The following TACC1 variants were observed in gnomAD, a reference collection of about 807,000 sequenced individuals.
The protein encoded by TACC1 is transforming acidic coiled-coil-containing protein 1.
TACC1 carries 48 observed loss-of-function variants against 84.4 expected under a neutral mutation model. The observed-to-expected ratio is 0.57, with a 90% CI of 0.45 to 0.72. TACC1 has a LOEUF of 0.72. TACC1 is among the 30% of genes least tolerant of loss of function. The pLI is 0.00. For synonymous variants in TACC1, 372 were observed against 376.3 expected (o/e 0.99, Z 0.13); for missense variants, 920 against 973.0 (o/e 0.95, Z 0.72).
Position 38,844,604 on chromosome 8 carries a change from C to CT in TACC1, c.2228+1210dup, listed in dbSNP as rs549524475. ...ATTACTCTATTCTTTGCCCATTTTCCTATTGTCATTTTATAGATTTTATAT... is the reference window on the plus strand; with the variant it reads ...ATTACTCTATTCTTTGCCCATTTTCCTTATTGTCATTTTATAGATTTTATAT... On this transcript the variant is annotated intron_variant, in intron 11 of 12. Transcript: ENST00000317827. Among the ~76,000 whole-genome samples, 248 of 152,208 alleles carry CT rather than the reference C, an allele frequency of 1.6e-3. 1 individual carries two copies. Among genetic ancestry groups the CT allele is most frequent in the African/African-American group, 5.8e-3 (243 of 41,540 alleles).
At chr8:38,839,179 G>A (rs938915828) in intron 8 of TACC1, 1 of 349,464 alleles carries the variant, frequency 2.9e-6, no homozygotes, top group Non-Finnish European at 5.2e-6. Context: ...ATGAGCCACA[G>A]CGCCTGGTCC....
chr8:38,809,165 G>C (rs962463696), intron 2 of TACC1, among the ~76,000 whole-genome samples: 3 of 152,056 alleles, frequency 2.0e-5, no homozygotes, highest in African/African-American at 7.2e-5. Flanking sequence ...CAATGTAGCA[G>C]ATAAGGCTCC....
chr8:38,836,992 C>T (rs1198083498), intron 7 of TACC1, among the ~76,000 whole-genome samples: 2 of 151,584 alleles, frequency 1.3e-5, no homozygotes, highest in Admixed American at 1.3e-4. Flanking sequence ...GGTTAAGCAC[C>T]TCAGCTGTAG....
intron 1 of TACC1, among the ~76,000 whole-genome samples, chr8:38,739,556 A>G (rs1806674844): frequency 6.6e-6 from 1 of 152,242 alleles, no homozygotes; most frequent in African/African-American, 2.4e-5. Context: ...TGTTTTACAC[A>G]TTTGTAATAC....
At chr8:38,805,947 T>C (rs73677607) in intron 2 of TACC1, among the ~76,000 whole-genome samples, 1,863 of 152,328 alleles carry the variant, frequency 0.012, 39 homozygotes, top group African/African-American at 0.043. Flanking sequence ...AGATGCACAC[T>C]TGGGGCTTGG....
At chr8:38,795,870 G>T (rs1356544839) in intron 2 of TACC1, among the ~76,000 whole-genome samples, 1 of 152,194 alleles carries the variant, frequency 6.6e-6, no homozygotes, top group African/African-American at 2.4e-5. Context: ...GGTTTAGATT[G>T]ATGATGGCCA....
chr8:38,736,635 A>G (rs1428803619), intron 1 of TACC1, among the ~76,000 whole-genome samples: 1 of 152,070 alleles, frequency 6.6e-6, no homozygotes, highest in Non-Finnish European at 1.5e-5. Context: ...AGAATAAGAT[A>G]ATGATAACCT....
chr8:38,782,432 T>C (rs909010372), upstream of TACC1, among the ~76,000 whole-genome samples: 1 of 152,220 alleles, frequency 6.6e-6, no homozygotes, highest in Non-Finnish European at 1.5e-5. Flanking sequence ...GTTGGACATT[T>C]GGGTTGGTTC....
chr8:38,733,721 C>A (rs1238484027), intron 1 of TACC1, among the ~76,000 whole-genome samples: 1 of 152,058 alleles, frequency 6.6e-6, no homozygotes, highest in Admixed American at 6.6e-5. Flanking sequence ...TCTTGGTGGC[C>A]CCTCTCCCAC....
intron 3 of TACC1, among the ~76,000 whole-genome samples, chr8:38,761,567 C>T (rs1385774550): frequency 6.6e-6 from 1 of 152,146 alleles, no homozygotes; most frequent in Non-Finnish European, 1.5e-5. Context: ...GACACATGTC[C>T]CTGACACCAA....
rs531332223 is a variant in TACC1 at position 38,812,299 on chromosome 8, G to GTACA, written c.278-7222_278-7219dup. On this transcript the variant is annotated intron_variant, in intron 2 of 12. Coordinates refer to ENST00000317827, the MANE Select transcript of TACC1 (RefSeq NM_006283.3). ...GATCTTTGTGACCTACTCCCTGTTC[G>GTACA]TACACCCCCTCCCCTTTTGAAATCC... 3.0e-3 allele frequency among the ~76,000 whole-genome samples: 456 copies of GTACA among 152,040 alleles called. 1 individual carries two copies. Among genetic ancestry groups the GTACA allele is most frequent in the African/African-American group, 0.011 (437 of 41,450 alleles).
Position 38,787,401 on chromosome 8 carries a change from C to T in TACC1, c.-182C>T. 7.4e-7 allele frequency: 1 copy of T among 1,353,964 alleles called. No individual in the cohort carries two copies. The highest frequency in any genetic ancestry group is 9.4e-7 in the Non-Finnish European group (1 of 1,059,948). 83.9% of individuals were successfully genotyped at this position (1,353,964 alleles called of 1,614,324 possible). On this transcript the variant is annotated 5_prime_UTR_variant, in exon 1 of 13. Transcript: ENST00000317827. ...GAGGAGGCCGAGGAGGACGCAGCGC[C>T]GGCTGCCGGCGGGAGGAAGCGCTCC...
intron 2 of TACC1, among the ~76,000 whole-genome samples, chr8:38,806,025 A>G (rs1305521399): frequency 6.6e-6 from 1 of 152,170 alleles, no homozygotes; most frequent in Non-Finnish European, 1.5e-5. Context: ...AGGCTTGCTT[A>G]GTATAAGACA....
intron 3 of TACC1, among the ~76,000 whole-genome samples, chr8:38,771,240 T>G (rs10958810): frequency 0.27 from 41,673 of 151,928 alleles, 6,219 homozygotes; most frequent in African/African-American, 0.36. Context: ...GAGTTGGAGT[T>G]GGGGATGGAG....
At chr8:38,756,657 C>T (rs1810099331) in intron 3 of TACC1, among the ~76,000 whole-genome samples, 1 of 152,192 alleles carries the variant, frequency 6.6e-6, no homozygotes, top group South Asian at 2.1e-4. Context: ...GAACATACTC[C>T]CTTGTTTTAT....
intron 3 of TACC1, among the ~76,000 whole-genome samples, chr8:38,762,572 G>T (rs6995577): frequency 0.31 from 44,914 of 143,634 alleles, 7,601 homozygotes; most frequent in African/African-American, 0.46. Context: ...TGTTTTTTTT[G>T]GGGGGACAGA....
chr8:38,810,564 G>C (rs139307678), intron 2 of TACC1, among the ~76,000 whole-genome samples: 1 of 151,936 alleles, frequency 6.6e-6, no homozygotes, highest in African/African-American at 2.4e-5. Context: ...CGAGTGCTCC[G>C]TTGTACTCTA....
chr8:38,824,553 GA>G (rs914901301), intron 3 of TACC1: 2 of 152,230 alleles, frequency 1.3e-5, no homozygotes, highest in African/African-American at 2.4e-5. Flanking sequence ...TCTCACAAAA[GA>G]AAAAAAGTTG....
At chr8:38,823,988 A>C in intron 3 of TACC1, 1 of 1,351,986 alleles carries the variant, frequency 7.4e-7, no homozygotes, top group Non-Finnish European at 9.8e-7. Context: ...TTGGTGCATC[A>C]GGACTACTGA....
Sources: gnomAD v4.1 joint callset for allele counts (sites outside exome capture counted in the v4.1 genomes callset) on GRCh38, gnomAD v4.1.1 for gene constraint, MANE v1.5 for transcripts, NCBI Gene and HGNC (gene_info 2026-07-23, HGNC 2026-07-21) for gene names.